CHD6: variants seen among roughly 807,000 people sequenced by gnomAD.
CHD6 encodes ATP-dependent chromatin remodeler CHD6.
CHD6 carries 50 observed loss-of-function variants against 276.9 expected under a neutral mutation model. The ratio of observed to expected loss-of-function variants is 0.18; its 90% confidence interval spans 0.14 to 0.23. The LOEUF is 0.23. CHD6 is among the 10% of genes least tolerant of loss of function. The pLI is 1.00. For synonymous variants in CHD6, 1,173 were observed against 1,229.3 expected (o/e 0.95, Z 0.96); for missense variants, 2,564 against 3,365.8 (o/e 0.76, Z 5.89).
chr20:41,607,971 C>T (rs2045847383), intron 1 of CHD6, among the ~76,000 whole-genome samples: 1 of 152,092 alleles, frequency 6.6e-6, no homozygotes, highest in African/African-American at 2.4e-5. Flanking sequence ...GAGAATGTAA[C>T]CCTACTATGT....
chr20:41,574,850 C>T (rs146098018), intron 1 of CHD6, among the ~76,000 whole-genome samples: 2 of 152,238 alleles, frequency 1.3e-5, no homozygotes, highest in South Asian at 2.1e-4. Context: ...GGCCGATTCA[C>T]GCCTACAGCT....
chr20:41,425,804 A>C (rs1364668004), intron 28 of CHD6, among the ~76,000 whole-genome samples: 1 of 152,098 alleles, frequency 6.6e-6, no homozygotes, highest in Non-Finnish European at 1.5e-5. Context: ...AAAAAACAAA[A>C]AAAACAAAAA....
At position 41,556,850 on chromosome 20, in the gene CHD6, A is replaced by G. The variant is rs1019872682; in HGVS notation, c.-23-5490T>C. On this transcript the variant is annotated intron_variant, in intron 1 of 36. Transcript: ENST00000373233. The stretch of plus-strand genomic sequence containing the variant: ...CACCCTTAAATTATCTCTACTTTTT[A>G]AATCTTTTTAAAGGCACACATTAAA... Among the ~76,000 whole-genome samples, 5 of 152,190 alleles carry G rather than the reference A, an allele frequency of 3.3e-5. 1 individual carries two copies. The East Asian group carries it at 9.6e-4, about 29-fold the overall frequency.
chr20:41,501,072 G>C (rs1158066012), intron 5 of CHD6, among the ~76,000 whole-genome samples: 1 of 152,140 alleles, frequency 6.6e-6, no homozygotes, highest in East Asian at 1.9e-4. Context: ...TATGGCGAGT[G>C]GGCAGTGAAC....
At chr20:41,426,243 C>G in intron 27 of CHD6, 90 bp from the exon 28 acceptor site, 2 of 889,962 alleles carry the variant, frequency 2.2e-6, no homozygotes, top group Non-Finnish European at 3.8e-6. Flanking sequence ...GTAAGCATCA[C>G]GCATAAGAGC....
chr20:41,457,267 A>C lies in CHD6; in HGVS notation c.2826T>G (p.Asn942Lys), dbSNP rs1034306506. 6 of 1,613,232 alleles carry C rather than the reference A, an allele frequency of 3.7e-6. No individual in the cohort carries two copies. The highest frequency in any genetic ancestry group is 5.1e-6 in the Non-Finnish European group (6 of 1,179,306). ...AGAGCAGGCCCATCACACTCACCCC[A>C]TTGGTGCCGCCCTTTCGGTTGATGT... ...LQDINRKGGT[N>K]GVQQLSKMEV... The change falls in exon 18 of 37, where the codon AAT (asparagine) becomes AAG (lysine). Residue 942 changes from asparagine to lysine, a missense_variant. Coordinates refer to ENST00000373233, the MANE Select transcript of CHD6 (RefSeq NM_032221.5).
intron 1 of CHD6, among the ~76,000 whole-genome samples, chr20:41,617,678 T>C (rs1178460142): frequency 6.6e-6 from 1 of 151,896 alleles, no homozygotes; most frequent in Non-Finnish European, 1.5e-5. Flanking sequence ...GGCAGCGGGG[T>C]TGCAGGACCC....
intron 5 of CHD6, among the ~76,000 whole-genome samples, chr20:41,501,855 T>C (rs2043837260): frequency 6.6e-6 from 1 of 151,962 alleles, no homozygotes; most frequent in African/African-American, 2.4e-5. Context: ...CTGGTGGATG[T>C]GTAATGTTGT....
At chr20:41,589,958 C>T (rs2045638709) in intron 1 of CHD6, among the ~76,000 whole-genome samples, 2 of 151,810 alleles carry the variant, frequency 1.3e-5, no homozygotes, top group East Asian at 3.9e-4. Context: ...TACCTGACTT[C>T]AAACTATACT....
chr20:41,432,797 A>AT (rs1233764720), intron 27 of CHD6, among the ~76,000 whole-genome samples: 1 of 152,202 alleles, frequency 6.6e-6, no homozygotes, highest in Non-Finnish European at 1.5e-5. Flanking sequence ...TGACATAAGA[A>AT]TTTAACAGTC....
chr20:41,433,562 A>G (rs1353519249), intron 27 of CHD6, among the ~76,000 whole-genome samples: 1 of 152,164 alleles, frequency 6.6e-6, no homozygotes, highest in Non-Finnish European at 1.5e-5. Context: ...AAGAAAAACT[A>G]AGAGAACCGT....
At chr20:41,569,268 A>C (rs2045391223) in intron 1 of CHD6, among the ~76,000 whole-genome samples, 1 of 152,256 alleles carries the variant, frequency 6.6e-6, no homozygotes, top group African/African-American at 2.4e-5. Flanking sequence ...CAGAATATTT[A>C]GGAGGCCACT....
At chr20:41,483,004 CCTTT>C (rs1320899372) in intron 16 of CHD6, among the ~76,000 whole-genome samples, 2 of 151,850 alleles carry the variant, frequency 1.3e-5, no homozygotes, top group African/African-American at 2.4e-5. Context: ...TTTTCTTAGC[CCTTT>C]CTAATGCTAT....
At chr20:41,534,951 G>A (rs770361162) in intron 2 of CHD6, among the ~76,000 whole-genome samples, 12 of 152,188 alleles carry the variant, frequency 7.9e-5, no homozygotes, top group Non-Finnish European at 1.6e-4. Context: ...GAAGTGCAGA[G>A]CTGTCCTCGG....
chr20:41,511,913 A>G (rs2044127388), intron 5 of CHD6, among the ~76,000 whole-genome samples: 2 of 152,176 alleles, frequency 1.3e-5, no homozygotes, highest in South Asian at 4.1e-4. Context: ...TCCAACAGTA[A>G]TTACTAGTTC....
At chr20:41,449,093 G>C (rs1271962961) in intron 23 of CHD6, among the ~76,000 whole-genome samples, 1 of 152,060 alleles carries the variant, frequency 6.6e-6, no homozygotes, top group Admixed American at 6.5e-5. Context: ...AGTAGAGATG[G>C]GGTTTCACCA....
At chr20:41,407,691 C>T (rs567386215) in intron 36 of CHD6, among the ~76,000 whole-genome samples, 2 of 152,346 alleles carry the variant, frequency 1.3e-5, no homozygotes, top group South Asian at 2.1e-4. Context: ...TAAGAACACA[C>T]GTGTGTGGTG....
chr20:41,415,409 G>A lies in CHD6; in HGVS notation c.6716C>T (p.Thr2239Ile). ...ATSPFPVSAS[T>I]PKIGAISSLQ... ...TGAACTGATAGCCCCAATCTTAGGG[G>A]TGCTGGCGCTCACTGGGAAAGGGGA... Residue 2239 changes from threonine to isoleucine, a missense_variant, in exon 34 of 37, where the codon ACC (threonine) becomes ATC (isoleucine). Thr to Ile is a moderately conservative substitution (Grantham distance 89). Around this residue, in one of 7 missense-constraint regions of CHD6, gnomAD observed 1,024 missense variants for 1,047.9 expected, o/e 0.98. Coordinates refer to ENST00000373233, the MANE Select transcript of CHD6 (RefSeq NM_032221.5). The A allele has an allele frequency of 6.2e-7, 1 of 1,613,172 alleles. No homozygotes were observed. The highest frequency in any genetic ancestry group is 8.5e-7 in the Non-Finnish European group (1 of 1,179,514).
chr20:41,506,260 A>T (rs1172923953), intron 5 of CHD6, among the ~76,000 whole-genome samples: 1 of 152,174 alleles, frequency 6.6e-6, no homozygotes, highest in Middle Eastern at 3.2e-3. Context: ...ACACTGCTTA[A>T]AACGCTTCTC....
Sources: allele counts gnomAD v4.1 joint callset (sites outside exome capture counted in the v4.1 genomes callset), GRCh38; gene constraint gnomAD v4.1.1; regional missense constraint gnomAD v4.1.1; transcripts MANE v1.5; gene names NCBI Gene and HGNC (gene_info 2026-07-23, HGNC 2026-07-21).